Variants in UNC45B observed in about 807,000 individuals in gnomAD.
The protein encoded by UNC45B is protein unc-45 homolog B.
UNC45B carries 78 observed loss-of-function variants against 98.7 expected under a neutral mutation model. That is an observed-to-expected ratio of 0.79 (90% CI 0.66 to 0.95). The LOEUF is 0.95. UNC45B is among the 40% of genes least tolerant of loss of function. The pLI is 0.00. For missense variants in UNC45B, 1,225 were observed against 1,184.9 expected, an observed-to-expected ratio of 1.03 and a Z score of -0.50; for synonymous variants, 462 against 480.4, an observed-to-expected ratio of 0.96 and a Z score of 0.50.
In UNC45B at chr17:35,170,183, G is replaced by T. The variant is rs374645749; in HGVS notation, c.1617G>T (p.Thr539=). 1.9e-6 allele frequency: 3 copies of T among 1,613,836 alleles called. No homozygotes were observed. In the Admixed American group the frequency reaches 5.0e-5, roughly 27 times the overall value. Reference sequence around the variant, plus strand: ...CAGTGGAGGGCCTGGCCTACCTCACGCTGGACGCTGATGTGAAGGACGACT... The same window carrying T: ...CAGTGGAGGGCCTGGCCTACCTCACTCTGGACGCTGATGTGAAGGACGACT... The part of the protein sequence containing the change: ...RWAVEGLAYL[T]LDADVKDDFV... The change falls in exon 12 of 20, where the codon ACG becomes ACT. Residue 539 remains threonine, a synonymous_variant. Transcript: ENST00000394570.
intron 18 of UNC45B, among the ~76,000 whole-genome samples, 154 bp from the exon 19 acceptor site, chr17:35,183,273 C>T (rs950779832): frequency 2.0e-5 from 3 of 151,202 alleles, no homozygotes; most frequent in Non-Finnish European, 4.4e-5. Context: ...TTCAACCAGT[C>T]AGGGAAGGCT....
In UNC45B at chr17:35,177,564, G is replaced by T. The variant is rs572473522; in HGVS notation, c.2209G>T (p.Ala737Ser). ...GAGGGATGGGCTTCAGAACTATGAG[G>T]CTCTCCTAGGCCTCACCAACCTGTC... ...TQRDGLQNYE[A>S]LLGLTNLSGR... Residue 737 changes from alanine (A) to serine (S), a missense_variant, in exon 17 of 20, where the codon GCT becomes TCT. Coordinates refer to ENST00000394570, the MANE Select transcript of UNC45B (RefSeq NM_001267052.2). 1.9e-6 allele frequency: 3 copies of T among 1,561,350 alleles called. No individual in the cohort carries two copies. In the African/African-American group the frequency reaches 4.1e-5, roughly 21 times the overall value.
At chr17:35,174,420 C>T in intron 14 of UNC45B, 51 bp downstream of exon 14, 3 of 1,610,928 alleles carry the variant, frequency 1.9e-6, no homozygotes, top group South Asian at 1.1e-5. Context: ...GGCCGAGGGT[C>T]CTGGAGTGCA....
In UNC45B at chr17:35,150,135, A is replaced by G. The variant is rs1428361785; in HGVS notation, c.293A>G (p.Lys98Arg). 2 of 1,613,822 alleles carry G rather than the reference A, an allele frequency of 1.2e-6. No individual in the cohort carries two copies. Among genetic ancestry groups the G allele is most frequent in the South Asian group, 2.2e-5 (2 of 91,032 alleles). ...CTGGGGAAGCTGGACCAGGCCTTCA[A>G]AGACGTGCAGCGTTGTGCCACCCTC... The part of the protein sequence containing the change: ...EHLGKLDQAF[K>R]DVQRCATLEP... The change falls in exon 4 of 20, where the codon AAA becomes AGA. Residue 98 changes from lysine (K) to arginine (R), a missense_variant. Coordinates refer to ENST00000394570, the MANE Select transcript of UNC45B (RefSeq NM_001267052.2).
At chr17:35,183,017 G>A (rs537074414) in intron 18 of UNC45B, among the ~76,000 whole-genome samples, 8 of 151,744 alleles carry the variant, frequency 5.3e-5, no homozygotes, top group African/African-American at 1.7e-4. Context: ...ATTGTTCCCT[G>A]CTTCTGCCCC....
chr17:35,182,807 G>A (rs988647512), intron 18 of UNC45B, among the ~76,000 whole-genome samples: 3 of 152,000 alleles, frequency 2.0e-5, no homozygotes, highest in African/African-American at 4.8e-5. Context: ...AGTAGAATGC[G>A]CTGAGACTTG....
chr17:35,150,546 T>C (rs35589472), intron 4 of UNC45B, among the ~76,000 whole-genome samples: 1,904 of 152,282 alleles, frequency 0.013, 39 homozygotes, highest in African/African-American at 0.043. Context: ...GTCAAGTAGT[T>C]TGAGACCAGC....
At chr17:35,173,632 T>A (rs2092205109) in intron 13 of UNC45B, among the ~76,000 whole-genome samples, 1 of 152,034 alleles carries the variant, frequency 6.6e-6, no homozygotes, top group South Asian at 2.1e-4. Flanking sequence ...CATTGTTACA[T>A]CTCCTAGTAC....
At chr17:35,159,016 C>T (rs1038948894) in intron 7 of UNC45B, among the ~76,000 whole-genome samples, 4 of 152,166 alleles carry the variant, frequency 2.6e-5, no homozygotes, top group Admixed American at 2.0e-4. Flanking sequence ...TACAAATTCC[C>T]CTTCTGGAAA....
At chr17:35,183,309 C>T in intron 18 of UNC45B, 118 bp from the exon 19 acceptor site, 1 of 1,168,356 alleles carries the variant, frequency 8.6e-7, no homozygotes, top group African/African-American at 1.6e-5. Context: ...CATGAGTGAC[C>T]TGCTCAAAGG....
Position 35,152,914 on chromosome 17 carries a change from G to C in UNC45B, c.403G>C (p.Asp135His). 1.2e-6 allele frequency: 2 copies of C among 1,614,080 alleles called. No homozygotes were observed. The highest frequency in any genetic ancestry group is 1.7e-6 in the Non-Finnish European group (2 of 1,180,004). ...TCAGCTCCGAGTGCAGTTCTCCACA[G>C]ACTCGAGGGTACAGAAGATGTTTGA... ...QEKLRVQFST[D>H]SRVQKMFEIL... The change falls in exon 5 of 20, where the codon GAC becomes CAC. Residue 135 changes from aspartate to histidine, a missense_variant. Physicochemically the swap from Asp to His is moderately conservative, Grantham distance 81. Coordinates refer to ENST00000394570, the MANE Select transcript of UNC45B (RefSeq NM_001267052.2).
chr17:35,177,561 G>A lies in UNC45B; in HGVS notation c.2206G>A (p.Glu736Lys). Residue 736 changes from glutamate to lysine, a missense_variant, in exon 17 of 20, where the codon GAG (glutamate) becomes AAG (lysine). Glu to Lys is a moderately conservative substitution (Grantham distance 56). Coordinates refer to ENST00000394570, the MANE Select transcript of UNC45B (RefSeq NM_001267052.2). Reference protein sequence around the residue: ...DTQRDGLQNYEALLGLTNLSG... With the variant: ...DTQRDGLQNYKALLGLTNLSG... ...ACAGAGGGATGGGCTTCAGAACTATGAGGCTCTCCTAGGCCTCACCAACCT... is the reference window on the plus strand; with the variant it reads ...ACAGAGGGATGGGCTTCAGAACTATAAGGCTCTCCTAGGCCTCACCAACCT... 1 of 1,563,224 alleles carries A rather than the reference G, an allele frequency of 6.4e-7. No individual in the cohort carries two copies. Among genetic ancestry groups the A allele is most frequent in the Non-Finnish European group, 8.7e-7 (1 of 1,152,764 alleles).
At chr17:35,162,256 G>A (rs1407486613) in intron 8 of UNC45B, among the ~76,000 whole-genome samples, 1 of 152,154 alleles carries the variant, frequency 6.6e-6, no homozygotes, top group Non-Finnish European at 1.5e-5. Flanking sequence ...GCATCCGAAG[G>A]AGGGTAGTCT....
chr17:35,166,825 G>A (rs1285865687), intron 9 of UNC45B: 1 of 152,222 alleles, frequency 6.6e-6, no homozygotes, highest in Admixed American at 6.5e-5. Context: ...CATGGGACCA[G>A]AGCCCAGGTC....
intron 13 of UNC45B, among the ~76,000 whole-genome samples, chr17:35,173,246 C>T (rs1363889264): frequency 2.0e-5 from 3 of 151,992 alleles, no homozygotes. Context: ...CTGCTTCAGC[C>T]TCCTGAGTAG....
intron 10 of UNC45B, 50 bp from the exon 11 acceptor site, chr17:35,169,787 C>A (rs770570750): frequency 6.5e-7 from 1 of 1,547,218 alleles, no homozygotes; most frequent in Admixed American, 1.7e-5. Flanking sequence ...CATCCCCAAG[C>A]CTTGGTGTCT....
chr17:35,159,463 G>A lies in UNC45B; in HGVS notation c.897G>A (p.Ala299=), dbSNP rs151107152. 7.4e-5 allele frequency: 120 copies of A among 1,613,992 alleles called. No homozygotes were observed. The highest frequency in any genetic ancestry group is 1.8e-4 in the Admixed American group (11 of 59,994). ...TGTCTGGCCAGGGCAGGGATCAGGC[G>A]CTGAACCTGCTCAATAAGAATGTTC... is the stretch of plus-strand genomic sequence containing the variant. ...KKVSGQGRDQ[A]LNLLNKNVPR... is the part of the protein sequence containing the mutation. Residue 299 remains alanine, a synonymous_variant, in exon 8 of 20, where the codon GCG becomes GCA. Coordinates refer to ENST00000394570, the MANE Select transcript of UNC45B (RefSeq NM_001267052.2).
At position 35,159,514 on chromosome 17, in the gene UNC45B, C is replaced by T; in HGVS notation, c.948C>T (p.Asp316=). The change falls in exon 8 of 20, where the codon GAC becomes GAT. Residue 316 remains aspartate (D), a synonymous_variant. Transcript: ENST00000394570. Reference sequence around the variant, plus strand: ...CCAGGAAGGACCTTGCCATTCATGACAACTCACGTACCATCTATGTGGTGG... The same window carrying T: ...CCAGGAAGGACCTTGCCATTCATGATAACTCACGTACCATCTATGTGGTGG... ...NVPRKDLAIH[D]NSRTIYVVDN... is the part of the protein sequence containing the mutation. 1 of 1,614,082 alleles carries T rather than the reference C, an allele frequency of 6.2e-7. No individual in the cohort carries two copies. The highest frequency in any genetic ancestry group is 8.5e-7 in the Non-Finnish European group (1 of 1,179,996).
intron 13 of UNC45B, among the ~76,000 whole-genome samples, chr17:35,172,849 A>G (rs6505447): frequency 0.4 from 60,915 of 152,024 alleles, 12,529 homozygotes; most frequent in African/African-American, 0.5. Flanking sequence ...TATACGCATC[A>G]TTTAGTCTTT....
Sources: allele counts gnomAD v4.1 joint callset (sites outside exome capture counted in the v4.1 genomes callset), GRCh38; gene constraint gnomAD v4.1.1; transcripts MANE v1.5; gene names NCBI Gene and HGNC (gene_info 2026-07-23, HGNC 2026-07-21).